HMCN1: variants seen among roughly 807,000 people sequenced by gnomAD.
HMCN1 encodes hemicentin-1.
A neutral mutation model predicts 625.9 loss-of-function variants in HMCN1; 321 were observed. That is an observed-to-expected ratio of 0.51 (90% CI 0.47 to 0.56). The LOEUF is 0.56. Among genes scored for constraint, HMCN1 ranks in the 20% least tolerant of loss-of-function variants. The pLI is 0.00. For synonymous variants in HMCN1, 2,425 were observed against 2,417.6 expected, an observed-to-expected ratio of 1.00 and a Z score of -0.09; for missense variants, 6,588 against 6,887.3, an observed-to-expected ratio of 0.96 and a Z score of 1.54.
intron 1 of HMCN1, among the ~76,000 whole-genome samples, chr1:185,759,840 A>T (rs1655376520): frequency 1.3e-5 from 2 of 152,144 alleles, no homozygotes; most frequent in African/African-American, 4.8e-5. Context: ...TGGACAATGT[A>T]ATGGGATTGT....
chr1:186,171,201 A>G (rs1652209606), intron 100 of HMCN1, 136 bp from the exon 101 acceptor site: 6 of 675,374 alleles, frequency 8.9e-6, no homozygotes, highest in African/African-American at 1.8e-5. Flanking sequence ...GGCAGATCAC[A>G]TGAGTGCAAT....
intron 9 of HMCN1, among the ~76,000 whole-genome samples, chr1:185,927,679 T>C (rs1265355368): frequency 6.6e-6 from 1 of 152,158 alleles, no homozygotes; most frequent in Non-Finnish European, 1.5e-5. Context: ...CTTTCAGAAT[T>C]CAGTGGTAAG....
intron 71 of HMCN1, among the ~76,000 whole-genome samples, chr1:186,112,107 T>C (rs1007400761): frequency 6.6e-6 from 1 of 152,246 alleles, no homozygotes; most frequent in African/African-American, 2.4e-5. Context: ...TTAGGTTTCA[T>C]TGTGCTCTAT....
At chr1:185,982,851 T>C (rs1012873704) in intron 18 of HMCN1, among the ~76,000 whole-genome samples, 6 of 152,182 alleles carry the variant, frequency 3.9e-5, no homozygotes, top group Non-Finnish European at 7.3e-5. Flanking sequence ...CTTTTCTTTA[T>C]TATTGACATA....
intron 102 of HMCN1, 78 bp from the exon 103 acceptor site, chr1:186,174,436 A>G (rs1652432477): frequency 5.1e-6 from 8 of 1,554,342 alleles, no homozygotes; most frequent in Admixed American, 1.7e-5. Flanking sequence ...TGGCAATTCT[A>G]CAGAATGCTG....
intron 68 of HMCN1, among the ~76,000 whole-genome samples, chr1:186,095,829 G>T (rs535737147): frequency 6.6e-6 from 1 of 152,020 alleles, no homozygotes; most frequent in East Asian, 1.9e-4. Flanking sequence ...AAACACATCC[G>T]ATTATAGAAA....
intron 53 of HMCN1, among the ~76,000 whole-genome samples, chr1:186,075,816 C>T (rs2102359506): frequency 6.6e-6 from 1 of 152,162 alleles, no homozygotes; most frequent in Admixed American, 6.5e-5. Context: ...TTTTGTACAT[C>T]TTTGATTTTT....
At chr1:185,753,945 G>GT (rs962067016) in intron 1 of HMCN1, among the ~76,000 whole-genome samples, 1 of 152,166 alleles carries the variant, frequency 6.6e-6, no homozygotes, top group African/African-American at 2.4e-5. Flanking sequence ...TTTGAGATCA[G>GT]TATGTAGAAG....
At chr1:186,019,036 G>A (rs1654547824) in intron 34 of HMCN1, among the ~76,000 whole-genome samples, 1 of 151,926 alleles carries the variant, frequency 6.6e-6, no homozygotes, top group Admixed American at 6.6e-5. Context: ...TTGATTTTTA[G>A]TCCCATGTCC....
Position 186,057,324 on chromosome 1 carries a change from G to GAA in HMCN1, c.7236_7237dup (p.Ile2413LysfsTer7). The GAA allele has an allele frequency of 6.2e-7, 1 of 1,610,272 alleles. No individual in the cohort carries two copies. The highest frequency in any genetic ancestry group is 8.5e-7 in the Non-Finnish European group (1 of 1,176,928). ...GTATCTTTGACTTGTGAAGCTTCTG[G>GAA]AATTCCCCTGCCTTCCATAACCTGG... On this transcript the variant is annotated frameshift_variant, in exon 46 of 107. Transcript: ENST00000271588. LOFTEE classifies it high-confidence loss of function.
intron 53 of HMCN1, among the ~76,000 whole-genome samples, chr1:186,075,542 T>C (rs777322371): frequency 2.0e-5 from 3 of 152,130 alleles, no homozygotes; most frequent in Non-Finnish European, 2.9e-5. Context: ...TCTTGTAGAA[T>C]TGCAGTGAAT....
At chr1:186,166,138 T>C (rs1211531778) in intron 98 of HMCN1, 46 bp from the exon 99 acceptor site, 1 of 1,610,998 alleles carries the variant, frequency 6.2e-7, no homozygotes, top group South Asian at 1.1e-5. Flanking sequence ...TCCCAGAAAG[T>C]AAGGATTTTA....
At chr1:185,858,455 T>C (rs1662614596) in intron 2 of HMCN1, among the ~76,000 whole-genome samples, 2 of 151,642 alleles carry the variant, frequency 1.3e-5, no homozygotes, top group Non-Finnish European at 1.5e-5. Context: ...TGAGACGGAG[T>C]CTTACTCTGT....
At chr1:186,180,244 A>C (rs1475531089) in intron 104 of HMCN1, among the ~76,000 whole-genome samples, 2 of 152,174 alleles carry the variant, frequency 1.3e-5, no homozygotes, top group African/African-American at 4.8e-5. Context: ...CTCTTCATTA[A>C]AGTTGTTCAC....
intron 36 of HMCN1, among the ~76,000 whole-genome samples, chr1:186,035,025 G>A (rs1655727307): frequency 6.6e-6 from 1 of 152,150 alleles, no homozygotes; most frequent in South Asian, 2.1e-4. Context: ...ATTCTTCAAT[G>A]AGCACTTCAG....
At chr1:185,853,105 T>C (rs1662261130) in intron 2 of HMCN1, among the ~76,000 whole-genome samples, 1 of 152,136 alleles carries the variant, frequency 6.6e-6, no homozygotes, top group African/African-American at 2.4e-5. Context: ...CAAGTTAACA[T>C]ATTTATTTAT....
chr1:185,831,082 C>T (rs1332078005), intron 1 of HMCN1, among the ~76,000 whole-genome samples: 1 of 152,114 alleles, frequency 6.6e-6, no homozygotes, highest in African/African-American at 2.4e-5. Context: ...ATATTGACAT[C>T]AAAATTTAAT....
At chr1:185,801,873 A>G (rs1316983933) in intron 1 of HMCN1, among the ~76,000 whole-genome samples, 2 of 152,210 alleles carry the variant, frequency 1.3e-5, no homozygotes, top group East Asian at 1.9e-4. Flanking sequence ...TTTCAGTTGC[A>G]TCCTATGAGC....
At chr1:186,006,020 C>T (rs994247797) in intron 29 of HMCN1, among the ~76,000 whole-genome samples, 2 of 151,560 alleles carry the variant, frequency 1.3e-5, no homozygotes, top group Admixed American at 6.6e-5. Context: ...CCTGTAATTC[C>T]AGCTACTTGG....
Sources: allele counts gnomAD v4.1 joint callset (sites outside exome capture counted in the v4.1 genomes callset), GRCh38; gene constraint gnomAD v4.1.1; transcripts MANE v1.5; gene names NCBI Gene and HGNC (gene_info 2026-07-23, HGNC 2026-07-21).